Variants in RBFOX3 observed in about 807,000 individuals in gnomAD.
The protein encoded by RBFOX3 is RNA binding fox-1 homolog 3.
RBFOX3 carries 17 observed loss-of-function variants against 48.7 expected under a neutral mutation model. The observed-to-expected ratio is 0.35, with a 90% CI of 0.24 to 0.52. The LOEUF (loss-of-function observed/expected upper bound fraction) is 0.52. Among genes scored for constraint, RBFOX3 ranks in the 20% least tolerant of loss-of-function variants. RBFOX3 has a pLI of 0.94. For synonymous variants in RBFOX3, 212 were observed against 209.5 expected (o/e 1.01, Z -0.10); for missense variants, 382 against 497.5 (o/e 0.77, Z 2.21).
chr17:79,330,143 A>G (rs1251489342), intron 2 of RBFOX3, among the ~76,000 whole-genome samples: 1 of 152,156 alleles, frequency 6.6e-6, no homozygotes, highest in Non-Finnish European at 1.5e-5. Flanking sequence ...GCGCGCGTGT[A>G]CCTGCGTGTC....
chr17:79,495,284 G>C, intron 1 of RBFOX3, among the ~76,000 whole-genome samples: 1 of 124,782 alleles, frequency 8.0e-6, no homozygotes. Context: ...CGGCTGGCAC[G>C]GGTCGTGAAC....
chr17:79,573,058 A>T (rs1053375708), intron 1 of RBFOX3, among the ~76,000 whole-genome samples: 1 of 152,220 alleles, frequency 6.6e-6, no homozygotes, highest in East Asian at 1.9e-4. Flanking sequence ...CGTCCTGGGT[A>T]CACCTGGCAG....
At chr17:79,100,909 G>A (rs2076311734) in intron 9 of RBFOX3, among the ~76,000 whole-genome samples, 1 of 152,202 alleles carries the variant, frequency 6.6e-6, no homozygotes. Context: ...AGATTCCTCA[G>A]TCTCCCCTTG....
chr17:79,349,249 C>T (rs988332062), intron 2 of RBFOX3, among the ~76,000 whole-genome samples: 1 of 152,080 alleles, frequency 6.6e-6, no homozygotes, highest in Non-Finnish European at 1.5e-5. Flanking sequence ...TTCCACTGAG[C>T]TGTGGGCTGC....
chr17:79,097,475 C>T (rs2075559411), intron 10 of RBFOX3, 51 bp from the exon 11 acceptor site: 87 of 1,487,052 alleles, frequency 5.9e-5, no homozygotes, highest in Admixed American at 1.1e-4. Flanking sequence ...GGGGACCCAC[C>T]TGGCACCCCC....
At chr17:79,101,918 C>A (rs992178354) in intron 8 of RBFOX3, among the ~76,000 whole-genome samples, 1 of 152,196 alleles carries the variant, frequency 6.6e-6, no homozygotes, top group Non-Finnish European at 1.5e-5. Flanking sequence ...TCCCAGGCAC[C>A]CCAGGACAGC....
intron 3 of RBFOX3, among the ~76,000 whole-genome samples, chr17:79,260,483 G>A (rs1317942469): frequency 6.6e-6 from 1 of 152,206 alleles, no homozygotes; most frequent in Admixed American, 6.5e-5. Context: ...AAAGAGCCAC[G>A]AGGTGCCCAC....
At chr17:79,115,866 C>G (rs1452381370) in intron 4 of RBFOX3, 118 bp from the exon 5 acceptor site, 2 of 541,398 alleles carry the variant, frequency 3.7e-6, no homozygotes, top group Non-Finnish European at 6.5e-6. Context: ...CAGCCTTTCC[C>G]CGGCCCCTCC....
intron 1 of RBFOX3, among the ~76,000 whole-genome samples, chr17:79,549,483 C>T (rs1374422970): frequency 2.0e-5 from 3 of 152,250 alleles, no homozygotes; most frequent in African/African-American, 7.2e-5. Flanking sequence ...GACGTGAGAG[C>T]AAGTGAATCT....
intron 4 of RBFOX3, chr17:79,234,242 G>C (rs562058356): frequency 5.2e-5 from 8 of 152,400 alleles, no homozygotes; most frequent in African/African-American, 1.9e-4. Flanking sequence ...TAGAAAGCCG[G>C]AGAGCCGGCA....
At chr17:79,146,448 C>T (rs1363786927) in intron 4 of RBFOX3, among the ~76,000 whole-genome samples, 1 of 152,228 alleles carries the variant, frequency 6.6e-6, no homozygotes, top group East Asian at 1.9e-4. Context: ...ATGGGTGTTG[C>T]TTGGACTTGA....
At chr17:79,545,259 G>A (rs72855414) in intron 1 of RBFOX3, among the ~76,000 whole-genome samples, 11,129 of 152,010 alleles carry the variant, frequency 0.073, 535 homozygotes, top group Non-Finnish European at 0.11. Context: ...CCCCATTCCC[G>A]CCCTCTCCCT....
intron 4 of RBFOX3, among the ~76,000 whole-genome samples, chr17:79,127,597 T>A (rs1368229855): frequency 1.3e-5 from 2 of 152,196 alleles, no homozygotes; most frequent in African/African-American, 2.4e-5. Context: ...AACATGATGA[T>A]GTCAAGGGAA....
chr17:79,200,023 T>A (rs1367469617), intron 4 of RBFOX3, among the ~76,000 whole-genome samples: 2 of 151,896 alleles, frequency 1.3e-5, no homozygotes, highest in Admixed American at 6.6e-5. Flanking sequence ...ATTAGCTAGG[T>A]GTGGTGGCAC....
chr17:79,099,117 GAAGA>G (rs2075963227), intron 9 of RBFOX3: 2 of 152,398 alleles, frequency 1.3e-5, no homozygotes, highest in Admixed American at 6.5e-5. Context: ...GGTTAGGAAG[GAAGA>G]AACTTTTTTT....
intron 4 of RBFOX3, among the ~76,000 whole-genome samples, chr17:79,194,387 A>C (rs1416635153): frequency 6.6e-6 from 1 of 152,096 alleles, no homozygotes; most frequent in Non-Finnish European, 1.5e-5. Flanking sequence ...CGGGTGGATC[A>C]CTTGAGGTCA....
At chr17:79,455,366 A>C (rs1236315354) in intron 2 of RBFOX3, among the ~76,000 whole-genome samples, 2 of 152,198 alleles carry the variant, frequency 1.3e-5, no homozygotes, top group Non-Finnish European at 2.9e-5. Flanking sequence ...GCTTCTGCCC[A>C]GGAGAGACCA....
intron 1 of RBFOX3, among the ~76,000 whole-genome samples, chr17:79,519,078 C>T (rs933130469): frequency 6.6e-6 from 1 of 152,142 alleles, no homozygotes; most frequent in Non-Finnish European, 1.5e-5. Context: ...CTGGGGACAC[C>T]GGGCCCCCGA....
intron 2 of RBFOX3, among the ~76,000 whole-genome samples, chr17:79,403,940 T>C (rs574595896): frequency 6.9e-4 from 105 of 152,138 alleles, no homozygotes; most frequent in African/African-American, 2.5e-3. Context: ...CCACCACGCC[T>C]GGCTAAGTTT....
Sources: allele counts gnomAD v4.1 joint callset (sites outside exome capture counted in the v4.1 genomes callset), GRCh38; gene constraint gnomAD v4.1.1; transcripts MANE v1.5; gene names NCBI Gene and HGNC (gene_info 2026-07-23, HGNC 2026-07-21).